FAM120C: variants seen among roughly 807,000 people sequenced by gnomAD.
FAM120C encodes constitutive coactivator of PPAR-gamma-like protein 2.
Under a neutral mutation model 71.2 loss-of-function variants are expected in FAM120C, and 14 were observed. That is an observed-to-expected ratio of 0.20 (90% CI 0.13 to 0.31). The LOEUF (loss-of-function observed/expected upper bound fraction) is 0.31. Ranked by LOEUF, FAM120C falls within the 10% of genes least tolerant of loss-of-function variation. The probability of loss-of-function intolerance (pLI) is 1.00; values close to 1 mark genes in which losing one functional copy is unlikely to be tolerated. For missense variants in FAM120C, 500 were observed against 879.0 expected (o/e 0.57, Z 5.45); for synonymous variants, 354 against 353.2 (o/e 1.00, Z -0.03).
At chrX:54,100,788 G>T in intron 10 of FAM120C, among the ~76,000 whole-genome samples, 1 of 112,412 alleles carries the variant, frequency 8.9e-6, no homozygotes, top group Non-Finnish European at 1.9e-5. Flanking sequence ...AACCTGCAAG[G>T]CCTCAGGTAG....
chrX:54,182,869 G>GGC lies in FAM120C; in HGVS notation c.329_330insGC (p.Gln112LeufsTer86). On this transcript the variant is annotated frameshift_variant, in exon 1 of 16. Transcript: ENST00000375180. LOFTEE classifies it high-confidence loss of function. Reference sequence around the variant, plus strand: ...GCACCCGGGCCCCGGGCAGCTGAGGGGGCGGCGGCGGCGGCAGCGGAGGGT... The same window carrying GGC: ...GCACCCGGGCCCCGGGCAGCTGAGGGGCGGCGGCGGCGGCGGCAGCGGAGGGT... 8.8e-7 allele frequency: 1 copy of GGC among 1,134,057 alleles called. No homozygotes were observed. The highest frequency in any genetic ancestry group is 1.2e-6 in the Non-Finnish European group (1 of 859,174). The allele number at this position is 1,134,057 out of a possible 1,213,427, so 93.5% of individuals were successfully genotyped here.
chrX:54,076,438 C>A (rs1028264565), intron 15 of FAM120C, among the ~76,000 whole-genome samples: 1 of 110,715 alleles, frequency 9.0e-6, no homozygotes, highest in African/African-American at 3.3e-5. Flanking sequence ...ATTTAATAAG[C>A]TGGAACATTT....
chrX:54,117,388 A>C (rs892774653), intron 9 of FAM120C, among the ~76,000 whole-genome samples: 30 of 102,806 alleles, frequency 2.9e-4, no homozygotes, highest in African/African-American at 9.6e-4. Context: ...ATAAAATAAA[A>C]TAAAATAAAA....
At chrX:54,115,961 A>G (rs781885108) in intron 10 of FAM120C, among the ~76,000 whole-genome samples, 32 of 110,970 alleles carry the variant, frequency 2.9e-4, no homozygotes, top group Non-Finnish European at 5.3e-4. Flanking sequence ...CATGCCTGCA[A>G]TCCCAGCTAC....
intron 15 of FAM120C, among the ~76,000 whole-genome samples, chrX:54,079,791 C>T (rs987434393): frequency 9.2e-6 from 1 of 109,289 alleles, no homozygotes; most frequent in South Asian, 3.9e-4. Flanking sequence ...GAGCGCAACT[C>T]CGTCTCAAAA....
chrX:54,177,265 G>A (rs981930153), intron 1 of FAM120C, among the ~76,000 whole-genome samples: 47 of 111,174 alleles, frequency 4.2e-4, no homozygotes, highest in African/African-American at 1.4e-3. Flanking sequence ...TTTCAGAATC[G>A]TGTCTCTGGC....
At chrX:54,135,473 A>G (rs2067089872) in intron 6 of FAM120C, 55 bp downstream of exon 6, 1 of 1,074,379 alleles carries the variant, frequency 9.3e-7, no homozygotes, top group Non-Finnish European at 1.3e-6. Context: ...AGATTATAAA[A>G]ATCAGGAAGC....
chrX:54,135,445 G>C (rs1203832627), intron 6 of FAM120C, 83 bp downstream of exon 6: 1 of 857,711 alleles, frequency 1.2e-6, no homozygotes, highest in African/African-American at 2.0e-5. Context: ...TAATAACACT[G>C]AATCACCCTA....
intron 4 of FAM120C, chrX:54,147,231 C>T (rs1021343070): frequency 1.8e-5 from 2 of 110,714 alleles, no homozygotes; most frequent in Admixed American, 9.7e-5. Flanking sequence ...GCACAGTAAT[C>T]GCTTGAAGCA....
Position 54,133,899 on chromosome X carries a change from A to G in FAM120C, c.1764T>C (p.Ser588=), listed in dbSNP as rs782024883. 12 of 1,211,601 alleles carry G rather than the reference A, an allele frequency of 9.9e-6. No individual in the cohort carries two copies. In the East Asian group the frequency reaches 3.5e-4, roughly 36 times the overall value. Residue 588 remains serine, a synonymous_variant, in exon 8 of 16, where the codon TCT becomes TCC. Coordinates refer to ENST00000375180, the MANE Select transcript of FAM120C (RefSeq NM_017848.6). The part of the protein sequence containing the change: ...EPHIPSLLSM[S]TRNHMDITIP... ...TGGTGATATCCATGTGGTTCCTTGT[A>G]GACATAGACAGCAGAGATGGGATGT...
In FAM120C at chrX:54,133,904, T is replaced by C. The variant is rs928506065; in HGVS notation, c.1759A>G (p.Met587Val). 4.1e-6 allele frequency: 5 copies of C among 1,211,517 alleles called. No individual in the cohort carries two copies. The highest frequency in any genetic ancestry group is 2.2e-5 in the Admixed American group (1 of 45,934). ...GEPHIPSLLS[M>V]STRNHMDITI... ...ATATCCATGTGGTTCCTTGTAGACA[T>C]AGACAGCAGAGATGGGATGTGGGGC... The change falls in exon 8 of 16, where the codon ATG becomes GTG. Residue 587 changes from methionine (M) to valine (V), a missense_variant. Met to Val is a conservative substitution (Grantham distance 21). This residue lies in a region of FAM120C where 104 missense variants were observed against 254.5 expected (regional missense o/e 0.41). Coordinates refer to ENST00000375180, the MANE Select transcript of FAM120C (RefSeq NM_017848.6).
intron 10 of FAM120C, among the ~76,000 whole-genome samples, chrX:54,103,306 A>G (rs1363539617): frequency 9.0e-6 from 1 of 111,083 alleles, no homozygotes. Flanking sequence ...TCCTGTCACC[A>G]AGATAGTTAC....
chrX:54,097,693 T>G (rs1325149133), intron 10 of FAM120C, among the ~76,000 whole-genome samples: 2 of 111,967 alleles, frequency 1.8e-5, no homozygotes, highest in Non-Finnish European at 3.8e-5. Context: ...TTATATCTTC[T>G]TTTTTGAAGG....
intron 11 of FAM120C, among the ~76,000 whole-genome samples, chrX:54,089,787 C>CT (rs2066814014): frequency 9.1e-6 from 1 of 110,122 alleles, no homozygotes. Flanking sequence ...CAGAGAAACC[C>CT]CGTCTCTACT....
At chrX:54,180,941 G>C (rs1557137300) in intron 1 of FAM120C, among the ~76,000 whole-genome samples, 2 of 110,448 alleles carry the variant, frequency 1.8e-5, no homozygotes, top group African/African-American at 6.6e-5. Context: ...GGTGGTAGCA[G>C]TGAAAACAAA....
At chrX:54,173,187 T>C (rs782237170) in intron 1 of FAM120C, among the ~76,000 whole-genome samples, 36 of 112,923 alleles carry the variant, frequency 3.2e-4, no homozygotes, top group African/African-American at 1.2e-3. Context: ...AAATATAGCC[T>C]GTTGAAATTC....
At chrX:54,169,080 G>A (rs782431700) in intron 1 of FAM120C, among the ~76,000 whole-genome samples, 2 of 111,231 alleles carry the variant, frequency 1.8e-5, no homozygotes, top group African/African-American at 6.5e-5. Flanking sequence ...CAGGAGGATC[G>A]CCTGAGCCGA....
intron 10 of FAM120C, among the ~76,000 whole-genome samples, chrX:54,113,545 A>G (rs1364833512): frequency 9.0e-6 from 1 of 111,460 alleles, no homozygotes; most frequent in Non-Finnish European, 1.9e-5. Context: ...AGCAAAAGAA[A>G]TAAGAGTAAA....
chrX:54,088,060 T>C (rs1335792670), intron 11 of FAM120C, 96 bp from the exon 12 acceptor site: 25 of 718,711 alleles, frequency 3.5e-5, no homozygotes, highest in Non-Finnish European at 5.2e-5. Flanking sequence ...CCAGTTAAAT[T>C]TGAACATGCT....
Sources: allele counts gnomAD v4.1 joint callset (sites outside exome capture counted in the v4.1 genomes callset), GRCh38; gene constraint gnomAD v4.1.1; regional missense constraint gnomAD v4.1.1; transcripts MANE v1.5; gene names NCBI Gene and HGNC (gene_info 2026-07-23, HGNC 2026-07-21).